Variants in GNB4 observed in about 807,000 individuals in gnomAD.
GNB4 encodes the protein G protein subunit beta 4.
In GNB4, 28 loss-of-function variants were observed where a neutral mutation model predicts 45.2. The observed-to-expected ratio is 0.62, with a 90% CI of 0.46 to 0.85. The LOEUF (loss-of-function observed/expected upper bound fraction) is 0.85. GNB4 is among the 40% of genes least tolerant of loss of function. GNB4 has a pLI of 0.00. For missense variants in GNB4, 321 were observed against 425.4 expected, an observed-to-expected ratio of 0.75 and a Z score of 2.16; for synonymous variants, 132 against 143.7, an observed-to-expected ratio of 0.92 and a Z score of 0.58.
the GNB4 span, among the ~76,000 whole-genome samples, chr3:179,482,408 C>T: frequency 1.7e-4 from 26 of 151,930 alleles, no homozygotes; most frequent in Non-Finnish European, 3.2e-4. Flanking sequence ...ATGACGCAAG[C>T]GGTTATTATT....
the GNB4 span, among the ~76,000 whole-genome samples, chr3:179,513,020 A>C: frequency 6.6e-6 from 1 of 151,948 alleles, no homozygotes; most frequent in Non-Finnish European, 1.5e-5. Flanking sequence ...ATCTCGTGGA[A>C]CTCGGGGATG....
upstream of GNB4, among the ~76,000 whole-genome samples, chr3:179,455,134 T>A (rs1715959346): frequency 6.6e-6 from 1 of 152,208 alleles, no homozygotes; most frequent in African/African-American, 2.4e-5. Context: ...CAGGTTCTCG[T>A]TAACCATGGG....
intron 1 of GNB4, among the ~76,000 whole-genome samples, chr3:179,433,269 A>C (rs912418133): frequency 2.6e-5 from 4 of 152,100 alleles, no homozygotes; most frequent in African/African-American, 9.7e-5. Flanking sequence ...TTAAAAAAAA[A>C]CAAAACCCAA....
intron 1 of GNB4, among the ~76,000 whole-genome samples, chr3:179,431,870 C>A (rs1263391466): frequency 6.6e-6 from 1 of 152,146 alleles, no homozygotes; most frequent in Non-Finnish European, 1.5e-5. Flanking sequence ...GAGTTATAAT[C>A]CCTCACTCTC....
chr3:179,412,094 T>C (rs6800044), intron 8 of GNB4, among the ~76,000 whole-genome samples: 4,126 of 152,298 alleles, frequency 0.027, 176 homozygotes, highest in African/African-American at 0.088. Context: ...TCCTCCTATA[T>C]ACTGAGTACT....
rs1289216115 is a variant in GNB4 at position 179,405,202 on chromosome 3, C to T, written c.904G>A (p.Gly302Arg). The change falls in exon 9 of 10, where the codon GGA becomes AGA. Residue 302 changes from glycine to arginine, a missense_variant. Transcript: ENST00000232564. ...FNCNVWDTLK[G>R]DRAGVLAGHD... ...CTTATTTACTAACCTGCACGATCTC[C>T]TTTTAGCGTGTCCCATACATTACAA... 6.2e-7 allele frequency: 1 copy of T among 1,613,628 alleles called. No individual in the cohort carries two copies. Among genetic ancestry groups the T allele is most frequent in the Non-Finnish European group, 8.5e-7 (1 of 1,179,804 alleles).
At position 179,401,010 on chromosome 3, in the gene GNB4, G is replaced by A. The variant is rs1351049814; in HGVS notation, c.*203C>T. The A allele has an allele frequency of 1.5e-5, 7 of 481,980 alleles. No homozygotes were observed. The highest frequency in any genetic ancestry group is 3.7e-5 in the Admixed American group (1 of 26,882). 29.9% of individuals were successfully genotyped at this position (481,980 alleles called of 1,614,324 possible). Reference sequence around the variant, plus strand: ...CCCAACCCCTCAAATTAATACACTGGTCCTTTTGATCTCAGAAGGCGCCTT... The same window carrying A: ...CCCAACCCCTCAAATTAATACACTGATCCTTTTGATCTCAGAAGGCGCCTT... On this transcript the variant is annotated 3_prime_UTR_variant, in exon 10 of 10. Coordinates refer to ENST00000232564, the MANE Select transcript of GNB4 (RefSeq NM_021629.4).
chr3:179,487,780 T>G, the GNB4 span, among the ~76,000 whole-genome samples: 2 of 152,068 alleles, frequency 1.3e-5, no homozygotes, highest in South Asian at 2.1e-4. Context: ...GCCAGGTGCG[T>G]TGGCTCACAC....
At chr3:179,470,874 A>G in the GNB4 span, among the ~76,000 whole-genome samples, 1 of 152,196 alleles carries the variant, frequency 6.6e-6, no homozygotes, top group African/African-American at 2.4e-5. Context: ...ATTTAAAAGT[A>G]TACAAAGTAA....
the GNB4 span, among the ~76,000 whole-genome samples, chr3:179,476,929 A>C: frequency 6.6e-6 from 1 of 152,088 alleles, no homozygotes; most frequent in African/African-American, 2.4e-5. Context: ...CTTCTCTTGC[A>C]CCTTAAGTCT....
intron 9 of GNB4, among the ~76,000 whole-genome samples, chr3:179,404,300 G>A (rs1055732230): frequency 2.0e-5 from 3 of 152,188 alleles, no homozygotes; most frequent in African/African-American, 7.2e-5. Flanking sequence ...CATGGCTACG[G>A]CAGGAGCAGC....
chr3:179,477,019 A>C, the GNB4 span, among the ~76,000 whole-genome samples: 1 of 152,178 alleles, frequency 6.6e-6, no homozygotes, highest in Non-Finnish European at 1.5e-5. Context: ...GGTGCTCTGA[A>C]ACTATACCCT....
chr3:179,510,758 G>C, the GNB4 span, among the ~76,000 whole-genome samples: 1 of 152,122 alleles, frequency 6.6e-6, no homozygotes, highest in African/African-American at 2.4e-5. Context: ...CCTTGTTATA[G>C]GCTGACATTC....
chr3:179,498,686 G>A, the GNB4 span, among the ~76,000 whole-genome samples: 1 of 150,742 alleles, frequency 6.6e-6, no homozygotes, highest in African/African-American at 2.4e-5. Context: ...GCCTGCCTTG[G>A]CCTCCCAAAA....
intron 1 of GNB4, among the ~76,000 whole-genome samples, chr3:179,429,665 C>G (rs1715248245): frequency 6.6e-6 from 1 of 152,178 alleles, no homozygotes; most frequent in Non-Finnish European, 1.5e-5. Context: ...TCACACTCAA[C>G]AGCAAAAGCA....
intron 1 of GNB4, among the ~76,000 whole-genome samples, chr3:179,442,279 T>C (rs1056506715): frequency 1.1e-4 from 16 of 152,254 alleles, no homozygotes; most frequent in African/African-American, 3.9e-4. Flanking sequence ...TTTGAAACTA[T>C]TGTCCATGAA....
chr3:179,438,521 A>G (rs1442953240), intron 1 of GNB4, among the ~76,000 whole-genome samples: 1 of 152,244 alleles, frequency 6.6e-6, no homozygotes, highest in Admixed American at 6.5e-5. Context: ...AGCCATGAAC[A>G]CTACTCAGGC....
chr3:179,406,634 A>G (rs1205394569), intron 8 of GNB4, among the ~76,000 whole-genome samples: 8 of 151,588 alleles, frequency 5.3e-5, no homozygotes, highest in African/African-American at 1.7e-4. Flanking sequence ...TATTTTTGAG[A>G]CAGAGTCTTG....
chr3:179,459,362 G>C, the GNB4 span, among the ~76,000 whole-genome samples: 54 of 152,190 alleles, frequency 3.5e-4, no homozygotes, highest in African/African-American at 1.2e-3. Flanking sequence ...CCTGATGCTT[G>C]GGTGTGTTCC....
Sources: gnomAD v4.1 joint callset for allele counts (sites outside exome capture counted in the v4.1 genomes callset) on GRCh38, gnomAD v4.1.1 for gene constraint, MANE v1.5 for transcripts, NCBI Gene and HGNC (gene_info 2026-07-23, HGNC 2026-07-21) for gene names.